HERC2: variants seen among roughly 807,000 people sequenced by gnomAD.
The protein encoded by HERC2 is E3 ubiquitin-protein ligase HERC2.
Under a neutral mutation model 537.7 loss-of-function variants are expected in HERC2, and 102 were observed. The observed-to-expected ratio is 0.19, with a 90% confidence interval of 0.16 to 0.22. The LOEUF is 0.22. Among genes scored for constraint, HERC2 ranks in the 10% least tolerant of loss-of-function variants. HERC2 has a pLI of 1.00. For missense variants in HERC2, 4,236 were observed against 6,198.2 expected (o/e 0.68, Z 10.63); for synonymous variants, 2,224 against 2,466.2 (o/e 0.90, Z 2.91).
At chr15:28,184,155 C>T (rs1183487068) in intron 56 of HERC2, among the ~76,000 whole-genome samples, 1 of 152,034 alleles carries the variant, frequency 6.6e-6, no homozygotes, top group African/African-American at 2.4e-5. Flanking sequence ...CATACCATTG[C>T]GATCCAGCCT....
chr15:28,317,036 G>A (rs2077106649), intron 2 of HERC2, among the ~76,000 whole-genome samples: 1 of 152,138 alleles, frequency 6.6e-6, no homozygotes, highest in Non-Finnish European at 1.5e-5. Flanking sequence ...TAGGATTACA[G>A]GCTGAGCCAC....
At chr15:28,244,145 C>T (rs907732259) in intron 23 of HERC2, among the ~76,000 whole-genome samples, 2 of 152,082 alleles carry the variant, frequency 1.3e-5, no homozygotes, top group African/African-American at 2.4e-5. Flanking sequence ...GCCTGGATGA[C>T]ACAGCAAGAC....
intron 69 of HERC2, among the ~76,000 whole-genome samples, chr15:28,159,276 G>A (rs973328199): frequency 6.6e-6 from 1 of 152,156 alleles, no homozygotes; most frequent in African/African-American, 2.4e-5. Context: ...GAATTTTAAT[G>A]TTGGCCTGCC....
intron 2 of HERC2, among the ~76,000 whole-genome samples, chr15:28,308,139 T>C (rs1056862263): frequency 6.6e-6 from 1 of 152,226 alleles, no homozygotes; most frequent in Non-Finnish European, 1.5e-5. Context: ...TAGATTGCTT[T>C]GGGTAGTATG....
At position 28,122,236 on chromosome 15, in the gene HERC2, C is replaced by T. The variant is rs989969987; in HGVS notation, c.13189-807G>A. Among the ~76,000 whole-genome samples the T allele has an allele frequency of 3.3e-5, 5 of 152,232 alleles. No homozygotes were observed. The highest frequency in any genetic ancestry group is 7.3e-5 in the Non-Finnish European group (5 of 68,038). On this transcript the variant is annotated intron_variant, in intron 85 of 92. Coordinates refer to ENST00000261609, the MANE Select transcript of HERC2 (RefSeq NM_004667.6). The surrounding 1 kb of genome is among the most constrained non-coding windows in gnomAD (Gnocchi z 4.1). ...GACCCAGCCGTTCCCCAGGAGGGAG[C>T]AGGTCGGCCATGCCCGTGGGGAAAG...
At chr15:28,166,724 T>A (rs1186685136) in intron 68 of HERC2, among the ~76,000 whole-genome samples, 1 of 152,026 alleles carries the variant, frequency 6.6e-6, no homozygotes, top group African/African-American at 2.4e-5. Flanking sequence ...GGAGTCCCAA[T>A]GACCGGGTCC....
At chr15:28,214,933 C>T (rs1312997289) in intron 39 of HERC2, 131 bp from the exon 40 acceptor site, 2 of 712,722 alleles carry the variant, frequency 2.8e-6, no homozygotes, top group Non-Finnish European at 4.5e-6. Flanking sequence ...AGTGCAGTGG[C>T]ACGGTCTCGG....
chr15:28,191,823 T>C (rs777421778), intron 53 of HERC2, 138 bp downstream of exon 53: 6 of 648,434 alleles, frequency 9.3e-6, no homozygotes, highest in Non-Finnish European at 1.5e-5. Context: ...TGAAATAACT[T>C]ATAAATTAAA....
At chr15:28,150,631 A>C (rs1318396217) in intron 70 of HERC2, among the ~76,000 whole-genome samples, 2 of 151,840 alleles carry the variant, frequency 1.3e-5, no homozygotes, top group Non-Finnish European at 2.9e-5. Flanking sequence ...AAATTACCAA[A>C]AAAACACACA....
At chr15:28,244,745 T>C (rs1903489228) in intron 23 of HERC2, among the ~76,000 whole-genome samples, 1 of 152,136 alleles carries the variant, frequency 6.6e-6, no homozygotes, top group South Asian at 2.1e-4. Flanking sequence ...GTATTGACTG[T>C]TTTAAAAATA....
chr15:28,257,227 A>G lies in HERC2; in HGVS notation c.2351T>C (p.Ile784Thr), dbSNP rs1371174866. The G allele has an allele frequency of 1.2e-6, 2 of 1,613,884 alleles. No homozygotes were observed. Among genetic ancestry groups the G allele is most frequent in the African/African-American group, 1.3e-5 (1 of 74,940 alleles). Residue 784 changes from isoleucine to threonine, a missense_variant, in exon 17 of 93, where the codon ATT (isoleucine) becomes ACT (threonine). Physicochemically the swap from Ile to Thr is moderately conservative, Grantham distance 89. This residue lies in a region of HERC2 where 754 missense variants were observed against 1,085.0 expected (regional missense o/e 0.69). Coordinates refer to ENST00000261609, the MANE Select transcript of HERC2 (RefSeq NM_004667.6). ...FAWSSCSEWS[I>T]GLRVPFVVDI... Reference sequence around the variant, plus strand: ...CACCACAAAAGGGACACGGAGGCCAATGGACCACTCAGAACATGATGACCA... The same window carrying G: ...CACCACAAAAGGGACACGGAGGCCAGTGGACCACTCAGAACATGATGACCA...
At position 28,265,366 on chromosome 15, in the gene HERC2, C is replaced by T. The variant is rs548474516; in HGVS notation, c.1870+252G>A. ...AGACAATTCAGAGTGTCAATCATCC[C>T]ATTTCAACTCTCATTCTTAAAAAAT... On this transcript the variant is annotated intron_variant, in intron 14 of 92. Coordinates refer to ENST00000261609, the MANE Select transcript of HERC2 (RefSeq NM_004667.6). The surrounding 1 kb of genome is among the most constrained non-coding windows in gnomAD (Gnocchi z 4.0). Among the ~76,000 whole-genome samples the T allele has an allele frequency of 2.0e-5, 3 of 152,256 alleles. No homozygotes were observed. The highest frequency in any genetic ancestry group is 7.2e-5 in the African/African-American group (3 of 41,546).
chr15:28,262,349 C>T lies in HERC2; in HGVS notation c.2122+569G>A, dbSNP rs75419499. 0.01 allele frequency among the ~76,000 whole-genome samples: 1,580 copies of T among 152,286 alleles called. 216 individuals are homozygous for T. In the East Asian group the frequency reaches 0.29, roughly 28 times the overall value. On this transcript the variant is annotated intron_variant, in intron 15 of 92. Coordinates refer to ENST00000261609, the MANE Select transcript of HERC2 (RefSeq NM_004667.6). ...AGGGTCTTCTTGCAGAGACTCCCAT[C>T]CTCTCTGCCTGCACCGGCAGCCCAC...
chr15:28,218,025 G>A (rs1337456473), intron 38 of HERC2, among the ~76,000 whole-genome samples: 1 of 151,926 alleles, frequency 6.6e-6, no homozygotes, highest in Non-Finnish European at 1.5e-5. Flanking sequence ...TTCGTATGTT[G>A]AAGCCCTAAC....
intron 79 of HERC2, among the ~76,000 whole-genome samples, 171 bp downstream of exon 79, chr15:28,135,307 C>T (rs1025877415): frequency 4.6e-5 from 7 of 152,086 alleles, no homozygotes; most frequent in Non-Finnish European, 8.8e-5. Flanking sequence ...ACGGGTAAGC[C>T]TTCGTATTGG....
chr15:28,132,844 A>G lies in HERC2; in HGVS notation c.12231-14T>C. On this transcript the variant is annotated splice_polypyrimidine_tract_variant and intron_variant, in intron 79 of 92. Coordinates refer to ENST00000261609, the MANE Select transcript of HERC2 (RefSeq NM_004667.6). ...CGGTCACACGGACTGCAAAAAAGTC[A>G]CCAAATATAATGGAAACACATTTTT... 1 of 1,520,542 alleles carries G rather than the reference A, an allele frequency of 6.6e-7. No individual in the cohort carries two copies. The highest frequency in any genetic ancestry group is 8.9e-7 in the Non-Finnish European group (1 of 1,129,878). The allele number at this position is 1,520,542 out of a possible 1,614,324, so 94.2% of individuals were successfully genotyped here.
chr15:28,275,444 C>CT (rs1385452158), intron 5 of HERC2, among the ~76,000 whole-genome samples: 3 of 152,234 alleles, frequency 2.0e-5, no homozygotes, highest in Non-Finnish European at 4.4e-5. Flanking sequence ...AGGTCTGCTC[C>CT]TGGCCGCGGG....
Position 28,202,133 on chromosome 15 carries a change from C to A in HERC2, c.7597G>T (p.Asp2533Tyr). 6.4e-7 allele frequency: 1 copy of A among 1,558,458 alleles called. No homozygotes were observed. Among genetic ancestry groups the A allele is most frequent in the Admixed American group, 1.7e-5 (1 of 59,134 alleles). ...CTGACCATGGAGTAGGCGGCATCAT[C>A]CACGTCCTCCACCACCTCCTCGTCA... is the stretch of plus-strand genomic sequence containing the variant. The part of the protein sequence containing the change: ...YSDEEVVEDV[D>Y]DAAYSMSTGA... The change falls in exon 47 of 93, where the codon GAT becomes TAT. Residue 2533 changes from aspartate (D) to tyrosine (Y), a missense_variant. Physicochemically the swap from Asp to Tyr is radical, Grantham distance 160. Coordinates refer to ENST00000261609, the MANE Select transcript of HERC2 (RefSeq NM_004667.6).
intron 55 of HERC2, among the ~76,000 whole-genome samples, chr15:28,187,964 A>C (rs1445205158): frequency 1.3e-5 from 2 of 152,142 alleles, no homozygotes; most frequent in Non-Finnish European, 2.9e-5. Context: ...ACACACTAAC[A>C]ATTACTTTTT....
Sources: gnomAD v4.1 joint callset for allele counts (sites outside exome capture counted in the v4.1 genomes callset) on GRCh38, gnomAD v4.1.1 for gene constraint, gnomAD v4.1.1 regional missense constraint, Gnocchi (gnomAD v3.1) non-coding constraint, MANE v1.5 for transcripts, NCBI Gene and HGNC (gene_info 2026-07-23, HGNC 2026-07-21) for gene names.